Variants in GMEB1 observed in about 807,000 individuals in gnomAD.
GMEB1 encodes glucocorticoid modulatory element-binding protein 1.
In GMEB1, 6 loss-of-function variants were observed where a neutral mutation model predicts 52.4. The observed-to-expected ratio is 0.11, with a 90% CI of 0.06 to 0.23. The LOEUF (loss-of-function observed/expected upper bound fraction) is 0.23. GMEB1 is among the 10% of genes least tolerant of loss of function. GMEB1 has a pLI of 1.00. For missense variants in GMEB1, 486 were observed against 685.6 expected, an observed-to-expected ratio of 0.71 and a Z score of 3.25; for synonymous variants, 255 against 244.9, an observed-to-expected ratio of 1.04 and a Z score of -0.38.
At chr1:28,681,000 T>G (rs1669365892) in intron 1 of GMEB1, among the ~76,000 whole-genome samples, 1 of 152,062 alleles carries the variant, frequency 6.6e-6, no homozygotes. Flanking sequence ...GCTGAGATTG[T>G]GCCATTGTAC....
chr1:28,702,014 G>A (rs976626655), intron 6 of GMEB1, among the ~76,000 whole-genome samples: 2 of 152,086 alleles, frequency 1.3e-5, no homozygotes, highest in South Asian at 4.1e-4. Context: ...AGACTTGCTT[G>A]TAGTAGAGCT....
At position 28,696,923 on chromosome 1, in the gene GMEB1, A is replaced by T. The variant is rs778189379; in HGVS notation, c.441-4A>T. ...ACTGGTACTTCTTGTCTCCCTTTGC[A>T]CAGGAAAATGATGGACTCCGGACAG... On this transcript the variant is annotated splice_polypyrimidine_tract_variant and splice_region_variant and intron_variant, in intron 5 of 9. Transcript: ENST00000373816. 2.5e-6 allele frequency: 4 copies of T among 1,604,334 alleles called. No individual in the cohort carries two copies. Among genetic ancestry groups the T allele is most frequent in the Non-Finnish European group, 3.4e-6 (4 of 1,174,054 alleles).
chr1:28,711,450 TTTTG>T (rs1247457488), intron 9 of GMEB1, among the ~76,000 whole-genome samples: 2 of 152,090 alleles, frequency 1.3e-5, no homozygotes, highest in Non-Finnish European at 1.5e-5. Flanking sequence ...ATATTTTTCT[TTTTG>T]TTTGTTTATT....
At chr1:28,705,594 C>T (rs1377079826) in intron 8 of GMEB1, among the ~76,000 whole-genome samples, 4 of 151,290 alleles carry the variant, frequency 2.6e-5, no homozygotes, top group Non-Finnish European at 4.4e-5. Context: ...GGATTACAGG[C>T]GCATGCCACC....
chr1:28,705,881 G>T (rs967237036), intron 8 of GMEB1, among the ~76,000 whole-genome samples: 11 of 151,804 alleles, frequency 7.2e-5, no homozygotes, highest in African/African-American at 2.7e-4. Context: ...TCGGCCGGGC[G>T]CGGTGGCTCA....
intron 3 of GMEB1, 67 bp from the exon 4 acceptor site, chr1:28,691,518 G>A: frequency 8.2e-7 from 1 of 1,212,224 alleles, no homozygotes; most frequent in Non-Finnish European, 1.1e-6. Flanking sequence ...CAGGAGACTA[G>A]AGATTTTGAA....
intron 6 of GMEB1, among the ~76,000 whole-genome samples, chr1:28,700,902 G>C (rs1277343742): frequency 6.6e-6 from 1 of 152,120 alleles, no homozygotes; most frequent in Non-Finnish European, 1.5e-5. Context: ...GGTTTGATTG[G>C]TGGGGGTCCA....
At chr1:28,704,136 C>G in intron 7 of GMEB1, 56 bp from the exon 8 acceptor site, 1 of 1,434,796 alleles carries the variant, frequency 7.0e-7, no homozygotes, top group Non-Finnish European at 9.4e-7. Context: ...AGAGATTTGC[C>G]TAAGTATCTA....
intron 6 of GMEB1, among the ~76,000 whole-genome samples, chr1:28,698,674 CAA>C (rs138996886): frequency 1.4e-4 from 17 of 120,820 alleles, no homozygotes; most frequent in Non-Finnish European, 1.3e-4. Flanking sequence ...GACTCCATCT[CAA>C]AAAAAAAAAA....
intron 1 of GMEB1, among the ~76,000 whole-genome samples, chr1:28,682,866 A>G (rs776347358): frequency 6.6e-6 from 1 of 151,758 alleles, no homozygotes; most frequent in Non-Finnish European, 1.5e-5. Flanking sequence ...CTACAAACCA[A>G]CTCTCTGGAA....
chr1:28,713,467 A>G (rs938311014), intron 9 of GMEB1, among the ~76,000 whole-genome samples: 8 of 152,186 alleles, frequency 5.3e-5, no homozygotes, highest in Non-Finnish European at 8.8e-5. Flanking sequence ...TCCTGGCCCA[A>G]TCTTCATAAC....
intron 8 of GMEB1, among the ~76,000 whole-genome samples, chr1:28,706,457 C>T (rs759762986): frequency 2.0e-5 from 3 of 151,482 alleles, no homozygotes; most frequent in South Asian, 2.1e-4. Flanking sequence ...TACAAAAATC[C>T]GCGAGGCATG....
At chr1:28,688,611 G>C (rs947758087) in intron 2 of GMEB1, among the ~76,000 whole-genome samples, 7 of 152,022 alleles carry the variant, frequency 4.6e-5, no homozygotes, top group Non-Finnish European at 7.4e-5. Context: ...TTTGGATGTA[G>C]TTTCTCTCTT....
At position 28,693,843 on chromosome 1, in the gene GMEB1, A is replaced by C. The variant is rs138803488; in HGVS notation, c.440+798A>C. ...AAATAAAAATAATTATTTTTAAGGAATCTCTTTCAAGAAAAATCCATAATG... is the reference window on the plus strand; with the variant it reads ...AAATAAAAATAATTATTTTTAAGGACTCTCTTTCAAGAAAAATCCATAATG... On this transcript the variant is annotated intron_variant, in intron 5 of 9. Transcript: ENST00000373816. Among the ~76,000 whole-genome samples the C allele has an allele frequency of 7.6e-3, 1,152 of 152,174 alleles. 9 individuals are homozygous for C. Among genetic ancestry groups the C allele is most frequent in the African/African-American group, 0.026 (1,086 of 41,568 alleles).
In GMEB1 at chr1:28,683,624, A is replaced by C; in HGVS notation, c.12A>C (p.Ala4=). Residue 4 remains alanine, a synonymous_variant, in exon 2 of 10, where the codon GCA becomes GCC. Coordinates refer to ENST00000373816, the MANE Select transcript of GMEB1 (RefSeq NM_001319674.2). ...ACTTCATGTGAAAGATGGCTAATGC[A>C]GAAGTGAGTGTCCCAGTGGGGGATG... is the stretch of plus-strand genomic sequence containing the variant. MAN[A]EVSVPVGDVV... is the part of the protein sequence containing the mutation. The C allele has an allele frequency of 1.2e-6, 2 of 1,606,840 alleles. No homozygotes were observed. The highest frequency in any genetic ancestry group is 1.7e-6 in the Non-Finnish European group (2 of 1,177,332).
At chr1:28,673,137 G>T (rs534740711) in intron 1 of GMEB1, among the ~76,000 whole-genome samples, 13 of 151,952 alleles carry the variant, frequency 8.6e-5, no homozygotes. Flanking sequence ...CAGGTGATCC[G>T]CCTGCCTCGG....
chr1:28,697,159 G>T, intron 6 of GMEB1, 75 bp downstream of exon 6: 3 of 190,380 alleles, frequency 1.6e-5, no homozygotes, highest in East Asian at 1.6e-4. Flanking sequence ...TCCCTTGTGT[G>T]TACATATATA....
At chr1:28,680,631 A>T (rs571441567) in intron 1 of GMEB1, among the ~76,000 whole-genome samples, 72 of 152,102 alleles carry the variant, frequency 4.7e-4, no homozygotes, top group African/African-American at 1.7e-3. Context: ...GCTACTCAGG[A>T]GGCTGAGGCA....
At chr1:28,695,319 A>G (rs1570412741) in intron 5 of GMEB1, among the ~76,000 whole-genome samples, 1 of 150,646 alleles carries the variant, frequency 6.6e-6, no homozygotes, top group Non-Finnish European at 1.5e-5. Flanking sequence ...TGCAAACTGT[A>G]CCTCCTAGAT....
Sources: allele counts gnomAD v4.1 joint callset (sites outside exome capture counted in the v4.1 genomes callset), GRCh38; gene constraint gnomAD v4.1.1; transcripts MANE v1.5; gene names NCBI Gene and HGNC (gene_info 2026-07-23, HGNC 2026-07-21).